Variants in ASTN1 observed in about 807,000 individuals in gnomAD.
ASTN1 encodes the protein astrotactin 1, also known as astrotactin-1.
ASTN1 carries 41 observed loss-of-function variants against 140.7 expected under a neutral mutation model. That is an observed-to-expected ratio of 0.29 (90% CI 0.23 to 0.38). The LOEUF (loss-of-function observed/expected upper bound fraction) is 0.38, where lower values mean the gene tolerates loss of function less well. Among genes scored for constraint, ASTN1 ranks in the 10% least tolerant of loss-of-function variants. ASTN1 has a pLI of 1.00. For synonymous variants in ASTN1, 640 were observed against 652.2 expected, an observed-to-expected ratio of 0.98 and a Z score of 0.29; for missense variants, 1,479 against 1,678.8, an observed-to-expected ratio of 0.88 and a Z score of 2.08.
chr1:176,966,299 G>A (rs1384686748), intron 8 of ASTN1, among the ~76,000 whole-genome samples: 3 of 152,184 alleles, frequency 2.0e-5, no homozygotes, highest in Non-Finnish European at 4.4e-5. Flanking sequence ...TCACCCCATA[G>A]AGGGCATTTT....
chr1:176,959,519 T>TAAAAA (rs35198509), intron 9 of ASTN1, among the ~76,000 whole-genome samples: 1 of 147,676 alleles, frequency 6.8e-6, no homozygotes. Flanking sequence ...ATCTTTTATT[T>TAAAAA]AAAAAAAAAA....
intron 22 of ASTN1, among the ~76,000 whole-genome samples, chr1:176,867,819 G>A (rs1349150547): frequency 6.6e-6 from 1 of 152,182 alleles, no homozygotes; most frequent in East Asian, 1.9e-4. Context: ...GAGGTCAGAT[G>A]GATGGGATGA....
chr1:177,001,459 T>C (rs1444940380), intron 8 of ASTN1, among the ~76,000 whole-genome samples: 1 of 152,184 alleles, frequency 6.6e-6, no homozygotes, highest in Non-Finnish European at 1.5e-5. Context: ...CTCATTTAGG[T>C]TTTTAAAATA....
At chr1:176,927,104 C>T (rs938843537) in intron 16 of ASTN1, among the ~76,000 whole-genome samples, 2 of 152,130 alleles carry the variant, frequency 1.3e-5, no homozygotes, top group Non-Finnish European at 2.9e-5. Context: ...TCTGATTTAC[C>T]GCTGCTTAGA....
At chr1:176,946,160 C>A in intron 12 of ASTN1, 40 bp from the exon 13 acceptor site, 1 of 1,480,702 alleles carries the variant, frequency 6.8e-7, no homozygotes, top group Non-Finnish European at 9.1e-7. Flanking sequence ...GTTATTCCAT[C>A]AATGACCCAT....
intron 1 of ASTN1, among the ~76,000 whole-genome samples, chr1:177,076,747 T>A (rs1200594677): frequency 6.6e-6 from 1 of 152,144 alleles, no homozygotes; most frequent in Non-Finnish European, 1.5e-5. Context: ...GGTCTTGAAC[T>A]TCTGACCTCA....
intron 1 of ASTN1, among the ~76,000 whole-genome samples, chr1:177,080,691 T>G (rs1265572995): frequency 3.9e-5 from 6 of 152,154 alleles, no homozygotes; most frequent in Non-Finnish European, 8.8e-5. Flanking sequence ...TGAAACTTCT[T>G]GAGATTTTAT....
chr1:176,935,235 T>G (rs561690053), intron 15 of ASTN1, among the ~76,000 whole-genome samples: 2 of 152,294 alleles, frequency 1.3e-5, no homozygotes, highest in African/African-American at 4.8e-5. Context: ...GGTGCTGAGA[T>G]CCACATCACA....
intron 7 of ASTN1, 156 bp downstream of exon 7, chr1:177,023,248 G>C: frequency 1.1e-6 from 1 of 924,658 alleles, no homozygotes; most frequent in Non-Finnish European, 1.6e-6. Flanking sequence ...TAGCCAATAA[G>C]CTCTGCGGCC....
chr1:176,999,308 C>A (rs568627596), intron 8 of ASTN1, among the ~76,000 whole-genome samples: 4 of 152,158 alleles, frequency 2.6e-5, no homozygotes, highest in Non-Finnish European at 4.4e-5. Context: ...AAGACAAAAT[C>A]CCAAGCTAGG....
chr1:176,944,994 T>A (rs567427204), intron 13 of ASTN1, among the ~76,000 whole-genome samples: 1 of 152,362 alleles, frequency 6.6e-6, no homozygotes, highest in African/African-American at 2.4e-5. Context: ...AGGCCCAGGT[T>A]GCTGTCAACT....
At chr1:177,162,142 C>T (rs1254523687) in intron 1 of ASTN1, among the ~76,000 whole-genome samples, 2 of 152,092 alleles carry the variant, frequency 1.3e-5, no homozygotes, top group Non-Finnish European at 2.9e-5. Flanking sequence ...CACCATTGGC[C>T]AAGAGCTGCA....
intron 21 of ASTN1, among the ~76,000 whole-genome samples, chr1:176,872,080 G>A (rs1668371409): frequency 6.6e-6 from 1 of 152,088 alleles, no homozygotes; most frequent in South Asian, 2.1e-4. Flanking sequence ...TGTGTGGCCT[G>A]GGACAAGTTA....
chr1:177,116,805 A>T (rs1197364038), intron 1 of ASTN1, among the ~76,000 whole-genome samples: 1 of 151,988 alleles, frequency 6.6e-6, no homozygotes, highest in Non-Finnish European at 1.5e-5. Flanking sequence ...CCTAATTTTA[A>T]TCCTGACTTT....
intron 16 of ASTN1, among the ~76,000 whole-genome samples, chr1:176,903,513 G>C (rs1197912076): frequency 6.6e-6 from 1 of 152,174 alleles, no homozygotes; most frequent in African/African-American, 2.4e-5. Context: ...CTCTGCAGGA[G>C]CTCCCTCTGT....
intron 1 of ASTN1, among the ~76,000 whole-genome samples, chr1:177,080,421 A>G (rs1679124973): frequency 1.3e-5 from 2 of 152,336 alleles, no homozygotes; most frequent in East Asian, 1.9e-4. Context: ...AAGTAAGAGT[A>G]CTGTTATGGT....
chr1:176,977,783 C>T (rs1258513999), intron 8 of ASTN1, among the ~76,000 whole-genome samples: 1 of 152,162 alleles, frequency 6.6e-6, no homozygotes, highest in Non-Finnish European at 1.5e-5. Flanking sequence ...AGCAGCAGAG[C>T]CAGGGCTCAA....
intron 1 of ASTN1, among the ~76,000 whole-genome samples, chr1:177,131,014 A>G (rs1235242598): frequency 6.6e-6 from 1 of 152,196 alleles, no homozygotes; most frequent in Non-Finnish European, 1.5e-5. Context: ...TTCAAATCCT[A>G]TTAAAAAGCA....
At chr1:177,055,029 GC>G (rs972812802) in intron 2 of ASTN1, among the ~76,000 whole-genome samples, 1 of 152,092 alleles carries the variant, frequency 6.6e-6, no homozygotes, top group African/African-American at 2.4e-5. Flanking sequence ...ATAAATTTCT[GC>G]AGTACAACTC....
Sources: allele counts gnomAD v4.1 joint callset (sites outside exome capture counted in the v4.1 genomes callset), GRCh38; gene constraint gnomAD v4.1.1; transcripts MANE v1.5; gene names NCBI Gene and HGNC (gene_info 2026-07-23, HGNC 2026-07-21).